PCDHAC1: variants seen among roughly 807,000 people sequenced by gnomAD.
PCDHAC1 encodes protocadherin alpha-C1.
A neutral mutation model predicts 60.0 loss-of-function variants in PCDHAC1; 42 were observed. The observed-to-expected ratio is 0.70, with a 90% CI of 0.55 to 0.90. The LOEUF is 0.90. PCDHAC1 is among the 40% of genes least tolerant of loss of function. The pLI is 0.00. For synonymous variants in PCDHAC1, 468 were observed against 499.3 expected, an observed-to-expected ratio of 0.94 and a Z score of 0.84; for missense variants, 1,160 against 1,222.3, an observed-to-expected ratio of 0.95 and a Z score of 0.76.
chr5:140,987,244 A>T (rs1184597193), intron 3 of PCDHAC1, among the ~76,000 whole-genome samples: 1 of 152,018 alleles, frequency 6.6e-6, no homozygotes, highest in Non-Finnish European at 1.5e-5. Context: ...ATAAAGAAAG[A>T]AAGACATTCT....
At chr5:140,987,211 C>T (rs1190567678) in intron 3 of PCDHAC1, among the ~76,000 whole-genome samples, 2 of 145,072 alleles carry the variant, frequency 1.4e-5, no homozygotes, top group Non-Finnish European at 3.0e-5. Flanking sequence ...GAGACTCCAT[C>T]TCAAAAAAAA....
intron 1 of PCDHAC1, among the ~76,000 whole-genome samples, chr5:140,970,589 C>T (rs74994687): frequency 6.6e-6 from 1 of 152,198 alleles, no homozygotes; most frequent in East Asian, 1.9e-4. Flanking sequence ...CAGAGATATG[C>T]TTTGTGATAC....
intron 1 of PCDHAC1, chr5:140,969,349 G>A (rs782345683): frequency 3.1e-5 from 50 of 1,612,958 alleles, no homozygotes; most frequent in Non-Finnish European, 4.2e-5. Context: ...AGTGGTCAGG[G>A]GGTCTTCTAC....
At chr5:140,966,678 C>G (rs2096036369) in intron 1 of PCDHAC1, 8 of 1,313,236 alleles carry the variant, frequency 6.1e-6, no homozygotes, top group Non-Finnish European at 2.9e-6. Context: ...CAGGGTGGCA[C>G]GAGCGGAGGC....
At chr5:141,000,414 TATATA>T (rs1398508145) in intron 3 of PCDHAC1, among the ~76,000 whole-genome samples, 89 of 99,526 alleles carry the variant, frequency 8.9e-4, no homozygotes, top group African/African-American at 1.6e-3. Context: ...TATATATATA[TATATA>T]TATTTTTTTT....
rs1007708043 is a variant in PCDHAC1 at position 140,967,271 on chromosome 5, A to G, written c.2434-11678A>G. 3.1e-6 allele frequency: 5 copies of G among 1,613,338 alleles called. No individual in the cohort carries two copies. The South Asian group carries it at 5.5e-5, about 18-fold the overall frequency. On this transcript the variant is annotated intron_variant, in intron 1 of 3. Transcript: ENST00000253807. The stretch of plus-strand genomic sequence containing the variant: ...GGTGGCGCCTGGAGCGCGCTTTCAC[A>G]TAGAGAGTGCGCAGGACCCCGACGT...
chr5:140,969,046 C>A, intron 1 of PCDHAC1: 5 of 1,614,074 alleles, frequency 3.1e-6, no homozygotes, highest in Non-Finnish European at 4.2e-6. Flanking sequence ...ACAAACAAGC[C>A]AACAACAATA....
At chr5:140,987,269 G>A (rs1442679377) in intron 3 of PCDHAC1, among the ~76,000 whole-genome samples, 8 of 151,806 alleles carry the variant, frequency 5.3e-5, no homozygotes, top group African/African-American at 9.7e-5. Flanking sequence ...AATGGGACCC[G>A]GCAGTCTATG....
chr5:140,994,473 C>T (rs1199561805), intron 3 of PCDHAC1, among the ~76,000 whole-genome samples: 2 of 152,038 alleles, frequency 1.3e-5, no homozygotes, highest in Admixed American at 6.5e-5. Flanking sequence ...GAGGCTGAGG[C>T]GGGTGGATTG....
rs1554205765 is a variant in PCDHAC1 at position 140,928,319 on chromosome 5, A to AGAAT, written c.1429_1432dup (p.Gly478GlufsTer7). 6.2e-7 allele frequency: 1 copy of AGAAT among 1,614,082 alleles called. No individual in the cohort carries two copies. Among genetic ancestry groups the AGAAT allele is most frequent in the Non-Finnish European group, 8.5e-7 (1 of 1,180,048 alleles). ...TTTGCCCAGGACCCCGACCTGGGGA[A>AGAAT]GAATGGCCTTGTCTCTTATGAGCTG... On this transcript the variant is annotated frameshift_variant, in exon 1 of 4. Transcript: ENST00000253807. LOFTEE classifies it high-confidence loss of function.
At chr5:140,975,068 C>G (rs1273763502) in intron 1 of PCDHAC1, among the ~76,000 whole-genome samples, 2 of 152,134 alleles carry the variant, frequency 1.3e-5, no homozygotes, top group Non-Finnish European at 2.9e-5. Context: ...CGAGCTCATT[C>G]AGATTGTTGG....
intron 1 of PCDHAC1, among the ~76,000 whole-genome samples, chr5:140,954,496 T>G (rs571286912): frequency 2.3e-4 from 35 of 152,256 alleles, no homozygotes; most frequent in Non-Finnish European, 2.8e-4. Context: ...CATTGTGGTT[T>G]TGATTTGCAT....
chr5:140,961,435 C>T (rs1554225413), intron 1 of PCDHAC1, among the ~76,000 whole-genome samples: 1 of 152,174 alleles, frequency 6.6e-6, no homozygotes, highest in Non-Finnish European at 1.5e-5. Flanking sequence ...TACAAAATCA[C>T]CTAACTACAC....
chr5:140,973,755 G>A (rs1442337323), intron 1 of PCDHAC1, among the ~76,000 whole-genome samples: 1 of 152,234 alleles, frequency 6.6e-6, no homozygotes, highest in Admixed American at 6.5e-5. Flanking sequence ...ACTCTGCAGG[G>A]ACACAGCCTG....
At chr5:140,977,836 T>C (rs1300356505) in intron 1 of PCDHAC1, among the ~76,000 whole-genome samples, 1 of 152,236 alleles carries the variant, frequency 6.6e-6, no homozygotes, top group African/African-American at 2.4e-5. Flanking sequence ...TCTATTGATA[T>C]TACTATGGCT....
intron 1 of PCDHAC1, among the ~76,000 whole-genome samples, chr5:140,966,009 G>A (rs2153745631): frequency 6.6e-6 from 1 of 152,278 alleles, no homozygotes; most frequent in South Asian, 2.1e-4. Flanking sequence ...AGTGTCCAGG[G>A]AAGATGTGGG....
chr5:140,936,272 C>T lies in PCDHAC1; in HGVS notation c.2433+6947C>T, dbSNP rs1303356923. 2.0e-5 allele frequency among the ~76,000 whole-genome samples: 3 copies of T among 152,254 alleles called. No individual in the cohort carries two copies. In the East Asian group the frequency reaches 5.8e-4, roughly 29 times the overall value. On this transcript the variant is annotated intron_variant, in intron 1 of 3. Transcript: ENST00000253807. Reference sequence around the variant, plus strand: ...TGCTTCAAGTCATGAAGATATATTCCTGTGTTTTCTTCTATAACATTGCTA... The same window carrying T: ...TGCTTCAAGTCATGAAGATATATTCTTGTGTTTTCTTCTATAACATTGCTA...
intron 1 of PCDHAC1, chr5:140,967,828 CATCGTGG>C: frequency 6.2e-7 from 1 of 1,614,146 alleles, no homozygotes. Flanking sequence ...TGCTGGTGGA[CATCGTGG>C]ACGTGAATGA....
At chr5:140,948,942 T>TA (rs34363674) in intron 1 of PCDHAC1, among the ~76,000 whole-genome samples, 48,005 of 151,444 alleles carry the variant, frequency 0.32, 7,947 homozygotes, top group East Asian at 0.53. Flanking sequence ...TCTTCTAATA[T>TA]AAAAAAATTA....
Sources: gnomAD v4.1 joint callset for allele counts (sites outside exome capture counted in the v4.1 genomes callset) on GRCh38, gnomAD v4.1.1 for gene constraint, MANE v1.5 for transcripts, NCBI Gene and HGNC (gene_info 2026-07-23, HGNC 2026-07-21) for gene names.